HNRNPF: variants seen among roughly 807,000 people sequenced by gnomAD.
The protein encoded by HNRNPF is HnRNP F protein.
HNRNPF carries 2 observed loss-of-function variants against 26.0 expected under a neutral mutation model. That is an observed-to-expected ratio of 0.08 (90% confidence interval 0.03 to 0.24). The LOEUF (loss-of-function observed/expected upper bound fraction) is 0.24. Among genes scored for constraint, HNRNPF ranks in the 10% least tolerant of loss-of-function variants. HNRNPF has a pLI of 1.00. For synonymous variants in HNRNPF, 234 were observed against 211.5 expected, an observed-to-expected ratio of 1.11 and a Z score of -0.92; for missense variants, 299 against 539.2, an observed-to-expected ratio of 0.55 and a Z score of 4.41.
chr10:43,395,665 C>T (rs1258910098), intron 2 of HNRNPF, among the ~76,000 whole-genome samples: 1 of 152,182 alleles, frequency 6.6e-6, no homozygotes, highest in Non-Finnish European at 1.5e-5. Flanking sequence ...ACTCTGGAAT[C>T]AGGTTTTCAA....
intron 2 of HNRNPF, among the ~76,000 whole-genome samples, chr10:43,394,975 C>T (rs1237359508): frequency 2.0e-5 from 3 of 152,224 alleles, no homozygotes; most frequent in Non-Finnish European, 4.4e-5. Flanking sequence ...CGTGCACCAC[C>T]CCACCCAGCG....
intron 1 of HNRNPF, among the ~76,000 whole-genome samples, chr10:43,406,280 A>C (rs1838916285): frequency 6.6e-6 from 1 of 152,126 alleles, no homozygotes; most frequent in Non-Finnish European, 1.5e-5. Flanking sequence ...CAGGCTTTCC[A>C]AGGTTCTGGC....
chr10:43,387,063 G>A lies in HNRNPF; in HGVS notation c.822C>T (p.His274=), dbSNP rs376527546. ...LSYCLSGMYD[H]RYGDSEFTVQ... ...CTGTGAACTCACTGTCGCCGTATCT[G>A]TGGTCATACATTCCGGAGAGACAGT... The change falls in exon 4 of 4, where the codon CAC becomes CAT. Residue 274 remains histidine (H), a synonymous_variant. Transcript: ENST00000682386. This position sits in a 1 kb window ranked among gnomAD's most constrained non-coding sequence, Gnocchi z 6.0. The A allele has an allele frequency of 3.2e-5, 52 of 1,612,800 alleles. No homozygotes were observed. The highest frequency in any genetic ancestry group is 4.4e-5 in the Non-Finnish European group (52 of 1,180,026).
rs531902690 is a variant in HNRNPF, at chr10:43,387,483, C to T, written c.402G>A (p.Leu134=). The T allele has an allele frequency of 6.2e-7, 1 of 1,614,202 alleles. No individual in the cohort carries two copies. The highest frequency in any genetic ancestry group is 1.7e-5 in the Admixed American group (1 of 60,018). ...ATGTGATCCCGTTTGGCACAATTTC[C>T]AACCCTGAGAAGAACTGAACAATTT... The part of the protein sequence containing the change: ...KEEIVQFFSG[L]EIVPNGITLP... The change falls in exon 4 of 4, where the codon TTG becomes TTA. Residue 134 remains leucine, a synonymous_variant. Coordinates refer to ENST00000682386, the MANE Select transcript of HNRNPF (RefSeq NM_001098204.2). The surrounding 1 kb of genome is among the most constrained non-coding windows in gnomAD (Gnocchi z 6.0).
chr10:43,408,260 C>T (rs1203185651), intron 1 of HNRNPF, among the ~76,000 whole-genome samples: 1 of 152,140 alleles, frequency 6.6e-6, no homozygotes, highest in Admixed American at 6.5e-5. Flanking sequence ...ACTAACGCAC[C>T]CGGCCGTCCG....
chr10:43,387,476 C>G lies in HNRNPF; in HGVS notation c.409G>C (p.Val137Leu). 2 of 1,614,224 alleles carry G rather than the reference C, an allele frequency of 1.2e-6. No individual in the cohort carries two copies. The highest frequency in any genetic ancestry group is 1.7e-6 in the Non-Finnish European group (2 of 1,180,044). ...IVQFFSGLEI[V>L]PNGITLPVDP... ...ACAGGCAATGTGATCCCGTTTGGCACAATTTCCAACCCTGAGAAGAACTGA... is the reference window on the plus strand; with the variant it reads ...ACAGGCAATGTGATCCCGTTTGGCAGAATTTCCAACCCTGAGAAGAACTGA... The change falls in exon 4 of 4, where the codon GTG (valine) becomes CTG (leucine). Residue 137 changes from valine to leucine, a missense_variant. By Grantham distance (32) the Val-to-Leu change is conservative. Coordinates refer to ENST00000682386, the MANE Select transcript of HNRNPF (RefSeq NM_001098204.2). The surrounding 1 kb of genome is among the most constrained non-coding windows in gnomAD (Gnocchi z 6.0).
chr10:43,396,822 G>T, intron 1 of HNRNPF: 1 of 151,256 alleles, frequency 6.6e-6, no homozygotes, highest in Non-Finnish European at 1.5e-5. Flanking sequence ...GGGGGGCGGA[G>T]CGAGCGGCGC....
intron 3 of HNRNPF, among the ~76,000 whole-genome samples, chr10:43,392,170 AAGGC>A (rs1181683201): frequency 6.6e-6 from 1 of 152,132 alleles, no homozygotes; most frequent in Non-Finnish European, 1.5e-5. Context: ...TTGGGTGGCC[AAGGC>A]AGGCAGATCA....
Position 43,386,634 on chromosome 10 carries a change from A to G in HNRNPF, c.*3T>C. 1.3e-6 allele frequency: 2 copies of G among 1,538,088 alleles called. No homozygotes were observed. Among genetic ancestry groups the G allele is most frequent in the Middle Eastern group, 1.8e-4 (1 of 5,698 alleles). On this transcript the variant is annotated 3_prime_UTR_variant, in exon 4 of 4. Coordinates refer to ENST00000682386, the MANE Select transcript of HNRNPF (RefSeq NM_001098204.2). The stretch of plus-strand genomic sequence containing the variant: ...TGAAGTAACTCAAATGTTCCTAACA[A>G]AACTAGTCATAGCCACCCATGCTGT...
At chr10:43,402,354 G>A (rs772888100) in intron 1 of HNRNPF, among the ~76,000 whole-genome samples, 1 of 147,054 alleles carries the variant, frequency 6.8e-6, no homozygotes, top group Non-Finnish European at 1.5e-5. Context: ...GGGAACTACA[G>A]GGATCTTAAG....
chr10:43,387,286 T>C lies in HNRNPF; in HGVS notation c.599A>G (p.Lys200Arg). The C allele has an allele frequency of 6.2e-7, 1 of 1,614,210 alleles. No individual in the cohort carries two copies. Among genetic ancestry groups the C allele is most frequent in the Non-Finnish European group, 8.5e-7 (1 of 1,180,026 alleles). ...EVRSYSDPPL[K>R]FMSVQRPGPY... ...CCCTGGCCGCTGCACGGACATGAAC[T>C]TCAGAGGGGGATCTGAGTATGACCT... Residue 200 changes from lysine (K) to arginine (R), a missense_variant, in exon 4 of 4, where the codon AAG becomes AGG. Physicochemically the swap from Lys to Arg is conservative, Grantham distance 26. Transcript: ENST00000682386. This position sits in a 1 kb window ranked among gnomAD's most constrained non-coding sequence, Gnocchi z 6.0.
intron 1 of HNRNPF, among the ~76,000 whole-genome samples, chr10:43,400,450 TGGG>T (rs1273435272): frequency 6.6e-6 from 1 of 152,180 alleles, no homozygotes. Flanking sequence ...AGATGCATCT[TGGG>T]GGCAAAAATT....
intron 1 of HNRNPF, among the ~76,000 whole-genome samples, chr10:43,405,038 C>A (rs1034641253): frequency 1.3e-5 from 2 of 152,148 alleles, no homozygotes; most frequent in Non-Finnish European, 2.9e-5. Context: ...TACACAGCAT[C>A]CATTCACCAC....
chr10:43,386,654 T>G lies in HNRNPF; in HGVS notation c.1231A>C (p.Met411Leu). The G allele has an allele frequency of 6.4e-7, 1 of 1,564,368 alleles. No individual in the cohort carries two copies. The highest frequency in any genetic ancestry group is 8.6e-7 in the Non-Finnish European group (1 of 1,162,146). Residue 411 changes from methionine (M) to leucine (L), a missense_variant, in exon 4 of 4, where the codon ATG (methionine) becomes CTG (leucine). By Grantham distance (15) the Met-to-Leu change is conservative. This residue lies in a region of HNRNPF where 53 missense variants were observed against 72.4 expected (regional missense o/e 0.73). Transcript: ENST00000682386. ...YGAGYSGQNS[M>L]GGYD ...TAACAAAACTAGTCATAGCCACCCATGCTGTTCTGCCCACTGTAGCCGGCC... is the reference window on the plus strand; with the variant it reads ...TAACAAAACTAGTCATAGCCACCCAGGCTGTTCTGCCCACTGTAGCCGGCC...
chr10:43,395,752 C>A (rs1043250795), intron 2 of HNRNPF, among the ~76,000 whole-genome samples: 3 of 152,150 alleles, frequency 2.0e-5, no homozygotes, highest in African/African-American at 7.2e-5. Flanking sequence ...TCCACTTATG[C>A]CCTTGTTTAT....
intron 2 of HNRNPF, among the ~76,000 whole-genome samples, chr10:43,395,142 C>G (rs1265885679): frequency 6.6e-6 from 1 of 151,882 alleles, no homozygotes; most frequent in East Asian, 1.9e-4. Context: ...GGGGGCAGGG[C>G]ACTTGGGAGG....
intron 1 of HNRNPF, among the ~76,000 whole-genome samples, chr10:43,400,094 C>G (rs908963505): frequency 6.6e-6 from 1 of 152,084 alleles, no homozygotes. Context: ...GCCTGTAACT[C>G]CAGCACTTTG....
intron 2 of HNRNPF, among the ~76,000 whole-genome samples, chr10:43,396,087 A>C (rs1176438159): frequency 1.3e-5 from 2 of 152,182 alleles, no homozygotes; most frequent in Non-Finnish European, 2.9e-5. Flanking sequence ...AAGAATCTGC[A>C]TTTCCAAAAA....
intron 3 of HNRNPF, among the ~76,000 whole-genome samples, chr10:43,392,933 C>T (rs1838311521): frequency 6.6e-6 from 1 of 152,204 alleles, no homozygotes; most frequent in African/African-American, 2.4e-5. Flanking sequence ...TTCTGTCACA[C>T]TCCAATAGCA....
Sources: allele counts gnomAD v4.1 joint callset (sites outside exome capture counted in the v4.1 genomes callset), GRCh38; gene constraint gnomAD v4.1.1; regional missense constraint gnomAD v4.1.1; non-coding constraint Gnocchi (gnomAD v3.1); transcripts MANE v1.5; gene names NCBI Gene and HGNC (gene_info 2026-07-23, HGNC 2026-07-21).